ST6GALNAC3: variants seen among roughly 807,000 people sequenced by gnomAD.
ST6GALNAC3 encodes ST6 N-acetylgalactosaminide alpha-2,6-sialyltransferase 3.
In ST6GALNAC3, 25 loss-of-function variants were observed where a neutral mutation model predicts 32.7. The ratio of observed to expected loss-of-function variants is 0.76; its 90% CI spans 0.56 to 1.07. The LOEUF (loss-of-function observed/expected upper bound fraction) is 1.07, where lower values mean the gene tolerates loss of function less well. Ranked by LOEUF, ST6GALNAC3 falls within the 50% of genes least tolerant of loss-of-function variation. ST6GALNAC3 has a pLI of 0.00. For missense variants in ST6GALNAC3, 355 were observed against 382.4 expected, an observed-to-expected ratio of 0.93 and a Z score of 0.60; for synonymous variants, 129 against 133.1, an observed-to-expected ratio of 0.97 and a Z score of 0.21.
chr1:76,286,937 A>C (rs910001969), intron 1 of ST6GALNAC3, among the ~76,000 whole-genome samples: 5 of 152,228 alleles, frequency 3.3e-5, no homozygotes, highest in African/African-American at 7.2e-5. Flanking sequence ...ACCATTTAAA[A>C]TGCCCTACAA....
intron 2 of ST6GALNAC3, among the ~76,000 whole-genome samples, chr1:76,359,599 A>T (rs969577933): frequency 1.3e-5 from 2 of 152,156 alleles, no homozygotes; most frequent in African/African-American, 4.8e-5. Context: ...AGATTCCAGA[A>T]CTGGGAGACA....
chr1:76,187,869 G>T (rs1242400570), intron 1 of ST6GALNAC3, among the ~76,000 whole-genome samples: 1 of 152,152 alleles, frequency 6.6e-6, no homozygotes, highest in Non-Finnish European at 1.5e-5. Flanking sequence ...TCCCAGGATT[G>T]CCTTGAGCCT....
chr1:76,384,204 A>T (rs1651925360), intron 2 of ST6GALNAC3, among the ~76,000 whole-genome samples: 1 of 152,152 alleles, frequency 6.6e-6, no homozygotes, highest in African/African-American at 2.4e-5. Flanking sequence ...AAAAAGATAT[A>T]CTGTGCAAAC....
chr1:76,392,772 T>C (rs1348128002), intron 2 of ST6GALNAC3, among the ~76,000 whole-genome samples: 1 of 152,114 alleles, frequency 6.6e-6, no homozygotes, highest in African/African-American at 2.4e-5. Context: ...AGAGCAAGGG[T>C]CAACTGGCCA....
intron 1 of ST6GALNAC3, among the ~76,000 whole-genome samples, chr1:76,097,488 C>G (rs1647154907): frequency 6.6e-6 from 1 of 152,158 alleles, no homozygotes; most frequent in Non-Finnish European, 1.5e-5. Context: ...CTTGCTCCCC[C>G]TTCTGCCATG....
chr1:76,616,743 T>A (rs940290976), intron 3 of ST6GALNAC3, among the ~76,000 whole-genome samples: 1 of 150,454 alleles, frequency 6.6e-6, no homozygotes, highest in African/African-American at 2.4e-5. Context: ...GAGCCTGATT[T>A]AAAAAAAAAA....
intron 1 of ST6GALNAC3, among the ~76,000 whole-genome samples, chr1:76,277,386 T>G (rs1484731926): frequency 6.6e-6 from 1 of 151,886 alleles, no homozygotes; most frequent in Admixed American, 6.6e-5. Flanking sequence ...TCCATGCATA[T>G]ATGTAAATTT....
intron 1 of ST6GALNAC3, among the ~76,000 whole-genome samples, chr1:76,301,038 A>G (rs1453713338): frequency 6.6e-6 from 1 of 152,056 alleles, no homozygotes; most frequent in African/African-American, 2.4e-5. Context: ...CTGCTATGTA[A>G]TGGGCACTAA....
intron 1 of ST6GALNAC3, among the ~76,000 whole-genome samples, chr1:76,252,635 C>T (rs760160663): frequency 2.6e-5 from 4 of 151,956 alleles, no homozygotes; most frequent in Non-Finnish European, 5.9e-5. Flanking sequence ...CTGTCAAAGC[C>T]AATGAACGGC....
At chr1:76,231,412 A>T (rs912754618) in intron 1 of ST6GALNAC3, among the ~76,000 whole-genome samples, 2 of 152,226 alleles carry the variant, frequency 1.3e-5, no homozygotes, top group Non-Finnish European at 2.9e-5. Flanking sequence ...TATTAAGTAT[A>T]TTCACATTGT....
At chr1:76,532,487 G>A (rs944110286) in intron 3 of ST6GALNAC3, among the ~76,000 whole-genome samples, 11 of 152,050 alleles carry the variant, frequency 7.2e-5, no homozygotes, top group African/African-American at 2.4e-4. Context: ...GATTGAGAGT[G>A]CATTGTTTAA....
At chr1:76,345,149 A>G (rs745464040) in intron 2 of ST6GALNAC3, among the ~76,000 whole-genome samples, 3 of 152,104 alleles carry the variant, frequency 2.0e-5, no homozygotes, top group Non-Finnish European at 4.4e-5. Flanking sequence ...AAGCAGGTAC[A>G]CCATCACCCT....
chr1:76,621,613 G>T (rs537475725), intron 3 of ST6GALNAC3, among the ~76,000 whole-genome samples: 2 of 152,028 alleles, frequency 1.3e-5, no homozygotes, highest in Non-Finnish European at 2.9e-5. Flanking sequence ...AGCTGAAATT[G>T]TTTCCACACT....
At chr1:76,199,783 T>C (rs1654417830) in intron 1 of ST6GALNAC3, among the ~76,000 whole-genome samples, 2 of 152,370 alleles carry the variant, frequency 1.3e-5, no homozygotes, top group African/African-American at 2.4e-5. Flanking sequence ...AATAAGATGC[T>C]TTATAACATT....
At chr1:76,152,675 C>A (rs1299277817) in intron 1 of ST6GALNAC3, among the ~76,000 whole-genome samples, 5 of 152,186 alleles carry the variant, frequency 3.3e-5, no homozygotes, top group Non-Finnish European at 2.9e-5. Context: ...TCAATTTAAA[C>A]CGTAAACATT....
At chr1:76,230,891 A>G (rs1337372022) in intron 1 of ST6GALNAC3, among the ~76,000 whole-genome samples, 1 of 152,230 alleles carries the variant, frequency 6.6e-6, no homozygotes, top group African/African-American at 2.4e-5. Context: ...TTTAAGTGTT[A>G]GATTATTTAT....
intron 1 of ST6GALNAC3, among the ~76,000 whole-genome samples, chr1:76,267,656 T>C (rs1434667079): frequency 6.6e-6 from 1 of 152,224 alleles, no homozygotes; most frequent in Non-Finnish European, 1.5e-5. Context: ...ATCACCTCCG[T>C]AAAATTGCAA....
At chr1:76,376,535 C>T (rs750215988) in intron 2 of ST6GALNAC3, among the ~76,000 whole-genome samples, 7 of 152,064 alleles carry the variant, frequency 4.6e-5, no homozygotes, top group Non-Finnish European at 1.0e-4. Context: ...ATTTTAAGAA[C>T]GTTGTATAAA....
intron 1 of ST6GALNAC3, among the ~76,000 whole-genome samples, chr1:76,139,135 T>A (rs1219718535): frequency 2.6e-5 from 4 of 151,200 alleles, no homozygotes; most frequent in East Asian, 1.9e-4. Context: ...CGGAGCTTGC[T>A]GTGAGCCGAG....
Sources: gnomAD v4.1 joint callset for allele counts (sites outside exome capture counted in the v4.1 genomes callset) on GRCh38, gnomAD v4.1.1 for gene constraint, MANE v1.5 for transcripts, NCBI Gene and HGNC (gene_info 2026-07-23, HGNC 2026-07-21) for gene names.